The following CES2 variants were observed in gnomAD, a reference collection of about 807,000 sequenced individuals.
CES2 encodes the protein carboxylesterase 2.
CES2 carries 42 observed loss-of-function variants against 52.1 expected under a neutral mutation model. The observed-to-expected ratio is 0.81, with a 90% CI of 0.63 to 1.04. CES2 has a LOEUF of 1.04. Among genes scored for constraint, CES2 ranks in the 50% least tolerant of loss-of-function variants. The pLI, the probability that CES2 is intolerant of heterozygous loss-of-function variation, is 0.00. For missense variants in CES2, 656 were observed against 724.3 expected (o/e 0.91, Z 1.08); for synonymous variants, 277 against 289.6 (o/e 0.96, Z 0.44).
At position 66,941,783 on chromosome 16, in the gene CES2, G is replaced by A; in HGVS notation, c.1072G>A (p.Asp358Asn). The A allele has an allele frequency of 6.2e-7, 1 of 1,614,134 alleles. No homozygotes were observed. The highest frequency in any genetic ancestry group is 8.5e-7 in the Non-Finnish European group (1 of 1,180,002). Residue 358 changes from aspartate to asparagine, a missense_variant, in exon 8 of 12, where the codon GAT becomes AAT. Physicochemically the swap from Asp to Asn is conservative, Grantham distance 23 (BLOSUM62 1). Coordinates refer to ENST00000317091, the MANE Select transcript of CES2 (RefSeq NM_001365405.1). ...GGCCATCCAGGTCATGAGGATCTAT[G>A]ATACCCAGAAGGAAATGGACAGAGA... The part of the protein sequence containing the change: ...WLIPKVMRIY[D>N]TQKEMDREAS...
chr16:66,941,252 A>C (rs374855839), intron 6 of CES2, 30 bp downstream of exon 6: 1 of 1,610,914 alleles, frequency 6.2e-7, no homozygotes, highest in African/African-American at 1.3e-5. Flanking sequence ...GGTGTAGAGG[A>C]AGGGGTGCAA....
chr16:66,941,604 T>C lies in CES2; in HGVS notation c.1014T>C (p.Ile338=), dbSNP rs1181952779. 6.2e-7 allele frequency: 1 copy of C among 1,614,006 alleles called. No homozygotes were observed. The highest frequency in any genetic ancestry group is 1.3e-5 in the African/African-American group (1 of 74,912). Residue 338 remains isoleucine (I), a synonymous_variant, in exon 7 of 12, where the codon ATT becomes ATC. Transcript: ENST00000317091. ...CCGACTTTCAGCCTGTCCCTAGCAT[T>C]GTTGGTGTCAACAACAATGAATTCG... ...ASADFQPVPS[I]VGVNNNEFGW... is the part of the protein sequence containing the mutation.
At chr16:66,939,015 G>A (rs1424821199) in intron 2 of CES2, among the ~76,000 whole-genome samples, 3 of 152,206 alleles carry the variant, frequency 2.0e-5, no homozygotes, top group Non-Finnish European at 4.4e-5. Context: ...TAACCTCGAG[G>A]CCTCCCTGGA....
At position 66,943,303 on chromosome 16, in the gene CES2, A is replaced by G; in HGVS notation, c.1425A>G (p.Lys475=). Residue 475 remains lysine, a synonymous_variant, in exon 11 of 12, where the codon AAA becomes AAG. Coordinates refer to ENST00000317091, the MANE Select transcript of CES2 (RefSeq NM_001365405.1). This position sits in a 1 kb window ranked among gnomAD's most constrained non-coding sequence, Gnocchi z 4.2. ...ATGTCCTCTTCCTCTTGGCAGTTAA[A>G]TTCACTGAGGAAGAGGAGCAGCTAA... ...FRSFFGGNYI[K]FTEEEEQLSR... 2 of 1,614,080 alleles carry G rather than the reference A, an allele frequency of 1.2e-6. No individual in the cohort carries two copies. Among genetic ancestry groups the G allele is most frequent in the Non-Finnish European group, 1.7e-6 (2 of 1,179,966 alleles).
Position 66,938,055 on chromosome 16 carries a change from C to T in CES2, c.95C>T (p.Pro32Leu). The change falls in exon 2 of 12, where the codon CCC becomes CTC. Residue 32 changes from proline to leucine, a missense_variant. Coordinates refer to ENST00000317091, the MANE Select transcript of CES2 (RefSeq NM_001365405.1). ...VRGQGQDSAS[P>L]IRTTHTGQVL... ...CCCACAGGCCAGGACTCAGCCAGTC[C>T]CATCCGGACCACACACACGGGGCAG... 1 of 1,614,176 alleles carries T rather than the reference C, an allele frequency of 6.2e-7. No homozygotes were observed. The highest frequency in any genetic ancestry group is 1.3e-5 in the African/African-American group (1 of 75,056).
Position 66,935,593 on chromosome 16 carries a change from G to A in CES2, c.-43G>A. On this transcript the variant is annotated 5_prime_UTR_variant, in exon 1 of 12. Coordinates refer to ENST00000317091, the MANE Select transcript of CES2 (RefSeq NM_001365405.1). The stretch of plus-strand genomic sequence containing the variant: ...ACCCGGGGCAGCCTCTGGGTGAACA[G>A]CAGCGTGTCCGCCGGCAGCGAACCG... 1 of 1,612,250 alleles carries A rather than the reference G, an allele frequency of 6.2e-7. No individual in the cohort carries two copies. The highest frequency in any genetic ancestry group is 8.5e-7 in the Non-Finnish European group (1 of 1,180,010).
intron 1 of CES2, 124 bp from the exon 2 acceptor site, chr16:66,937,913 C>A: frequency 1.3e-6 from 1 of 769,348 alleles, no homozygotes; most frequent in South Asian, 1.7e-5. Flanking sequence ...GTTTGTAAAG[C>A]CCATGTTTAC....
At position 66,938,451 on chromosome 16, in the gene CES2, G is replaced by C. The variant is rs922947807; in HGVS notation, c.281+210G>C. ...TTCTCAGACTCCTGGATCAGGGCTT[G>C]GCATTCAGAAGACATTGGCTCCAGG... On this transcript the variant is annotated intron_variant, in intron 2 of 11. Coordinates refer to ENST00000317091, the MANE Select transcript of CES2 (RefSeq NM_001365405.1). 5.1e-6 allele frequency: 3 copies of C among 587,948 alleles called. No individual in the cohort carries two copies. In the South Asian group the frequency reaches 6.1e-5, roughly 12 times the overall value. The allele number at this position is 587,948 out of a possible 1,614,324, so 36.4% of individuals were successfully genotyped here. A position where few individuals can be genotyped will look rare whatever the true frequency, so the allele number is the denominator to read the frequency against.
chr16:66,939,109 C>A, intron 2 of CES2, 108 bp from the exon 3 acceptor site: 2 of 887,958 alleles, frequency 2.3e-6, no homozygotes, highest in Non-Finnish European at 3.6e-6. Context: ...CATGTGTGAG[C>A]AGGATATTGT....
rs149858755 is a variant in CES2 at position 66,942,667 on chromosome 16, C to G, written c.1302C>G (p.Tyr434Ter). ...AHFQCSRAPVYFYEFQHQPSW... is the reference protein window; with the variant it reads ...AHFQCSRAPV Reference sequence around the variant, plus strand: ...CCACAGGTTCCCGGGCCCCTGTGTACTTCTACGAGTTCCAGCATCAGCCCA... The same window carrying G: ...CCACAGGTTCCCGGGCCCCTGTGTAGTTCTACGAGTTCCAGCATCAGCCCA... The change falls in exon 10 of 12, where the codon TAC (tyrosine) becomes TAG (stop). Residue 434 changes from tyrosine to a stop codon, truncating the protein, a stop_gained. Coordinates refer to ENST00000317091, the MANE Select transcript of CES2 (RefSeq NM_001365405.1). LOFTEE classifies it high-confidence loss of function. The G allele has an allele frequency of 1.2e-6, 2 of 1,614,234 alleles. No homozygotes were observed. The highest frequency in any genetic ancestry group is 2.7e-5 in the African/African-American group (2 of 75,064).
intron 1 of CES2, among the ~76,000 whole-genome samples, chr16:66,936,455 G>T (rs1963218681): frequency 6.6e-6 from 1 of 152,160 alleles, no homozygotes; most frequent in Non-Finnish European, 1.5e-5. Context: ...AGTAGGGGAG[G>T]TTGAGGCTGC....
At chr16:66,942,014 C>T (rs1963378478) in intron 8 of CES2, 91 bp from the exon 9 acceptor site, 1 of 1,533,600 alleles carries the variant, frequency 6.5e-7, no homozygotes, top group Non-Finnish European at 8.9e-7. Flanking sequence ...CCTTTGCTCC[C>T]CCTTCCTGTG....
At position 66,944,048 on chromosome 16, in the gene CES2, G is replaced by T. The variant is rs1963431608; in HGVS notation, c.*23G>T. ...TAGCTCCCTGTGCCGGGGAGGAGGG[G>T]GTGGGTTCGCTGACAGGCGAGGGTC... On this transcript the variant is annotated 3_prime_UTR_variant, in exon 12 of 12. Transcript: ENST00000317091. The T allele has an allele frequency of 1.5e-6, 2 of 1,363,246 alleles. No homozygotes were observed. The highest frequency in any genetic ancestry group is 2.4e-5 in the Admixed American group (1 of 40,860). The allele number at this position is 1,363,246 out of a possible 1,614,324, so 84.4% of individuals were successfully genotyped here.
chr16:66,938,462 G>A (rs1402636783), intron 2 of CES2: 2 of 580,592 alleles, frequency 3.4e-6, no homozygotes, highest in Admixed American at 3.0e-5. Flanking sequence ...GCATTCAGAA[G>A]ACATTGGCTC....
At chr16:66,940,383 C>T (rs760843453) in intron 4 of CES2, 28 bp downstream of exon 4, 12 of 1,613,952 alleles carry the variant, frequency 7.4e-6, no homozygotes, top group South Asian at 2.2e-5. Flanking sequence ...CTGGGCAACC[C>T]GGGCTGAGCG....
At chr16:66,934,500 A>T, upstream of CES2, 3 of 1,317,936 alleles carry the variant, frequency 2.3e-6, no homozygotes, top group Non-Finnish European at 3.0e-6. The surrounding 1 kb of genome is among the most constrained non-coding windows in gnomAD (Gnocchi z 4.1). Context: ...TCTCGGCCTG[A>T]GGTGCGAGAG....
chr16:66,938,122 G>C lies in CES2; in HGVS notation c.162G>C (p.Gly54=). The C allele has an allele frequency of 1.9e-6, 3 of 1,614,114 alleles. No homozygotes were observed. The highest frequency in any genetic ancestry group is 2.5e-6 in the Non-Finnish European group (3 of 1,180,018). The change falls in exon 2 of 12, where the codon GGG becomes GGC. Residue 54 remains glycine (G), a synonymous_variant. Coordinates refer to ENST00000317091, the MANE Select transcript of CES2 (RefSeq NM_001365405.1). ...TCCATGTGAAGGGCGCCAATGCCGG[G>C]GTCCAAACCTTCCTGGGAATTCCAT... ...SLVHVKGANA[G]VQTFLGIPFA... is the part of the protein sequence containing the mutation.
intron 7 of CES2, 34 bp from the exon 8 acceptor site, chr16:66,941,734 A>C: frequency 6.2e-7 from 1 of 1,613,984 alleles, no homozygotes; most frequent in Non-Finnish European, 8.5e-7. Context: ...GGCTCATCCC[A>C]TCCCCAGCTA....
chr16:66,939,146 C>A, intron 2 of CES2, 71 bp from the exon 3 acceptor site: 3 of 1,359,768 alleles, frequency 2.2e-6, no homozygotes, highest in Non-Finnish European at 2.1e-6. Context: ...TGGCTGGGAG[C>A]ACCTCTGAAC....
Sources: allele counts gnomAD v4.1 joint callset (sites outside exome capture counted in the v4.1 genomes callset), GRCh38; gene constraint gnomAD v4.1.1; non-coding constraint Gnocchi (gnomAD v3.1); transcripts MANE v1.5; gene names NCBI Gene and HGNC (gene_info 2026-07-23, HGNC 2026-07-21).